PPM1L: variants seen among roughly 807,000 people sequenced by gnomAD.
PPM1L encodes the protein protein phosphatase 1L.
PPM1L carries 13 observed loss-of-function variants against 31.4 expected under a neutral mutation model. That is an observed-to-expected ratio of 0.41 (90% CI 0.27 to 0.66). The LOEUF is 0.66. Ranked by LOEUF, PPM1L falls within the 30% of genes least tolerant of loss-of-function variation. The pLI is 0.29. For missense variants in PPM1L, 326 were observed against 453.7 expected, an observed-to-expected ratio of 0.72 and a Z score of 2.56; for synonymous variants, 184 against 175.4, an observed-to-expected ratio of 1.05 and a Z score of -0.39.
intron 1 of PPM1L, among the ~76,000 whole-genome samples, chr3:160,836,740 T>C (rs1382018624): frequency 6.6e-6 from 1 of 152,192 alleles, no homozygotes; most frequent in Admixed American, 6.5e-5. Context: ...CTTTAGTCAA[T>C]CAAGCACTCT....
rs145365240 is a variant in PPM1L at position 160,803,880 on chromosome 3, G to A, written c.399+47173G>A. 2.7e-3 allele frequency among the ~76,000 whole-genome samples: 416 copies of A among 152,224 alleles called. 1 individual carries two copies. The highest frequency in any genetic ancestry group is 9.7e-3 in the African/African-American group (401 of 41,544). ...TAATCTTTAAAAACTGAGACTGAGA[G>A]ACACTTAGCATAGAGATTATTAAAT... On this transcript the variant is annotated intron_variant, in intron 1 of 3. Transcript: ENST00000498165.
At chr3:160,825,105 C>A (rs1271389543) in intron 1 of PPM1L, among the ~76,000 whole-genome samples, 1 of 152,034 alleles carries the variant, frequency 6.6e-6, no homozygotes, top group African/African-American at 2.4e-5. Flanking sequence ...TCCTTATATC[C>A]TGATGTATGC....
chr3:161,013,405 C>G (rs1468195603), intron 2 of PPM1L, among the ~76,000 whole-genome samples: 4 of 152,182 alleles, frequency 2.6e-5, no homozygotes, highest in African/African-American at 4.8e-5. Flanking sequence ...GTTATAATTT[C>G]TGTTCTTTTA....
At chr3:160,792,715 T>C (rs1177394612) in intron 1 of PPM1L, among the ~76,000 whole-genome samples, 4 of 152,358 alleles carry the variant, frequency 2.6e-5, no homozygotes, top group African/African-American at 9.6e-5. Flanking sequence ...TCTATGTTTC[T>C]GACCAACTAG....
rs1263295169 is a variant in PPM1L at position 161,013,091 on chromosome 3, C to T, written c.574+51181C>T. Among the ~76,000 whole-genome samples, 27 of 152,152 alleles carry T rather than the reference C, an allele frequency of 1.8e-4. 1 individual carries two copies. Among genetic ancestry groups the T allele is most frequent in the Admixed American group, 1.2e-3 (18 of 15,282 alleles). ...CTTTTGAATGTGTTTGCTCTTGCTT[C>T]TCTAGTTCTTTTAATTGTGATGTTA... On this transcript the variant is annotated intron_variant, in intron 2 of 3. Coordinates refer to ENST00000498165, the MANE Select transcript of PPM1L (RefSeq NM_139245.4).
chr3:160,938,425 CT>C (rs1160624723), intron 1 of PPM1L, among the ~76,000 whole-genome samples: 1 of 152,150 alleles, frequency 6.6e-6, no homozygotes, highest in Non-Finnish European at 1.5e-5. Flanking sequence ...GAGATTACCA[CT>C]TAATATGATA....
At chr3:160,820,961 A>G (rs1713182257) in intron 1 of PPM1L, among the ~76,000 whole-genome samples, 1 of 152,086 alleles carries the variant, frequency 6.6e-6, no homozygotes, top group Non-Finnish European at 1.5e-5. Context: ...CTTACTAGCT[A>G]TTACTAAATT....
chr3:160,887,051 C>T (rs970800122), intron 1 of PPM1L, among the ~76,000 whole-genome samples: 1 of 151,710 alleles, frequency 6.6e-6, no homozygotes, highest in African/African-American at 2.4e-5. Context: ...AGCACAAGAG[C>T]TTCGTGAAGC....
At chr3:160,782,549 A>G (rs113565313) in intron 1 of PPM1L, among the ~76,000 whole-genome samples, 2,565 of 152,260 alleles carry the variant, frequency 0.017, 70 homozygotes, top group African/African-American at 0.058. Flanking sequence ...TGTTTCTTAC[A>G]CTAATTAGTT....
chr3:161,017,317 A>G (rs1359379554), intron 2 of PPM1L, among the ~76,000 whole-genome samples: 1 of 152,152 alleles, frequency 6.6e-6, no homozygotes, highest in Non-Finnish European at 1.5e-5. Flanking sequence ...ACTCCAAGGA[A>G]TTTGAGGGAG....
intron 1 of PPM1L, among the ~76,000 whole-genome samples, chr3:160,881,931 A>G (rs1712734514): frequency 6.6e-6 from 1 of 152,102 alleles, no homozygotes; most frequent in Non-Finnish European, 1.5e-5. Flanking sequence ...GGCGTCTGTA[A>G]TCCCAGCTAC....
intron 2 of PPM1L, among the ~76,000 whole-genome samples, chr3:161,058,900 T>C (rs1406272314): frequency 6.6e-6 from 1 of 152,180 alleles, no homozygotes; most frequent in Non-Finnish European, 1.5e-5. Flanking sequence ...TTTCTCAAGC[T>C]CTACTTGTCA....
chr3:160,903,113 T>G (rs1713600672), intron 1 of PPM1L, among the ~76,000 whole-genome samples: 1 of 151,070 alleles, frequency 6.6e-6, no homozygotes, highest in African/African-American at 2.4e-5. Flanking sequence ...CAAGGTTAGG[T>G]GTGGAATAGT....
At chr3:160,849,369 T>C (rs1159460798) in intron 1 of PPM1L, among the ~76,000 whole-genome samples, 1 of 152,166 alleles carries the variant, frequency 6.6e-6, no homozygotes, top group Non-Finnish European at 1.5e-5. Context: ...CAGAGGACTC[T>C]GGCATGGCCA....
At chr3:160,799,715 T>G (rs1324055523) in intron 1 of PPM1L, among the ~76,000 whole-genome samples, 1 of 152,184 alleles carries the variant, frequency 6.6e-6, no homozygotes, top group African/African-American at 2.4e-5. Flanking sequence ...TTCCCCTGCT[T>G]ATCCACGTGG....
intron 2 of PPM1L, among the ~76,000 whole-genome samples, chr3:161,019,368 A>C (rs1413405603): frequency 6.6e-6 from 1 of 152,030 alleles, no homozygotes; most frequent in Non-Finnish European, 1.5e-5. Flanking sequence ...TGATTTAAAA[A>C]ATTTTTTTTT....
chr3:160,851,152 T>C (rs1158862293), intron 1 of PPM1L, among the ~76,000 whole-genome samples: 1 of 152,184 alleles, frequency 6.6e-6, no homozygotes, highest in Admixed American at 6.5e-5. Context: ...AAGAGTTTCT[T>C]TTTTAAACAG....
At chr3:161,041,695 C>G (rs1476076573) in intron 2 of PPM1L, among the ~76,000 whole-genome samples, 2 of 152,126 alleles carry the variant, frequency 1.3e-5, no homozygotes, top group Non-Finnish European at 2.9e-5. Context: ...TTGCAGTGAG[C>G]TGAGATCACA....
intron 2 of PPM1L, among the ~76,000 whole-genome samples, chr3:160,977,199 C>A (rs1231689571): frequency 6.6e-6 from 1 of 152,104 alleles, no homozygotes; most frequent in African/African-American, 2.4e-5. Context: ...TGTCTCAAGG[C>A]TGTGTGGCTT....
Sources: allele counts gnomAD v4.1 joint callset (sites outside exome capture counted in the v4.1 genomes callset), GRCh38; gene constraint gnomAD v4.1.1; transcripts MANE v1.5; gene names NCBI Gene and HGNC (gene_info 2026-07-23, HGNC 2026-07-21).